SELENOI: variants seen among roughly 807,000 people sequenced by gnomAD.
The protein encoded by SELENOI is ethanolaminephosphotransferase 1.
SELENOI carries 24 observed loss-of-function variants against 50.7 expected under a neutral mutation model. That is an observed-to-expected ratio of 0.47 (90% CI 0.34 to 0.67). The LOEUF is 0.67. Ranked by LOEUF, SELENOI falls within the 30% of genes least tolerant of loss-of-function variation. SELENOI has a pLI of 0.01. For synonymous variants in SELENOI, 155 were observed against 170.2 expected, an observed-to-expected ratio of 0.91 and a Z score of 0.70; for missense variants, 352 against 461.4, an observed-to-expected ratio of 0.76 and a Z score of 2.17.
At chr2:26,351,709 G>A (rs895030541) in intron 1 of SELENOI, among the ~76,000 whole-genome samples, 1 of 152,196 alleles carries the variant, frequency 6.6e-6, no homozygotes, top group Non-Finnish European at 1.5e-5. Context: ...TGATGTAAAG[G>A]ACTTCTGGAT....
chr2:26,385,456 A>G lies in SELENOI; in HGVS notation c.912+317A>G, dbSNP rs191739573. Among the ~76,000 whole-genome samples the G allele has an allele frequency of 4.3e-4, 66 of 152,364 alleles. 2 individuals carry two copies. Among genetic ancestry groups the G allele is most frequent in the African/African-American group, 1.4e-3 (59 of 41,584 alleles). On this transcript the variant is annotated intron_variant, in intron 8 of 9. Coordinates refer to ENST00000260585, the MANE Select transcript of SELENOI (RefSeq NM_033505.4). ...TTTAGACTCTAAATATATTACCAGTATGGCTAAAATAGCTGCAGACTTAAA... is the reference window on the plus strand; with the variant it reads ...TTTAGACTCTAAATATATTACCAGTGTGGCTAAAATAGCTGCAGACTTAAA...
chr2:26,389,039 C>T lies in SELENOI; in HGVS notation c.1130C>T (p.Pro377Leu), dbSNP rs777130551. 1 of 1,590,174 alleles carries T rather than the reference C, an allele frequency of 6.3e-7. No individual in the cohort carries two copies. Among genetic ancestry groups the T allele is most frequent in the Non-Finnish European group, 8.6e-7 (1 of 1,167,038 alleles). ...KQLSSHFQIYPFSLRKPNSDU... is the reference protein window; with the variant it reads ...KQLSSHFQIYLFSLRKPNSDU... ...CTGAGCAGCCATTTTCAGATTTACC[C>T]CTTCTCATTGAGGAAACCAAACTCA... Residue 377 changes from proline to leucine, a missense_variant, in exon 10 of 10, where the codon CCC becomes CTC. Coordinates refer to ENST00000260585, the MANE Select transcript of SELENOI (RefSeq NM_033505.4).
intron 6 of SELENOI, among the ~76,000 whole-genome samples, chr2:26,376,091 CA>C (rs57146815): frequency 0.066 from 5,361 of 81,152 alleles, 163 homozygotes; most frequent in African/African-American, 0.13. Flanking sequence ...GACCCTGTCT[CA>C]AAAAAAAAAA....
intron 1 of SELENOI, among the ~76,000 whole-genome samples, chr2:26,356,524 C>T (rs1042583307): frequency 6.6e-5 from 10 of 152,150 alleles, no homozygotes; most frequent in African/African-American, 2.4e-4. Flanking sequence ...CAATTTCCTT[C>T]TTAAATTAAG....
intron 6 of SELENOI, among the ~76,000 whole-genome samples, chr2:26,376,154 A>G (rs1677563992): frequency 6.6e-6 from 1 of 152,046 alleles, no homozygotes. Flanking sequence ...AACCTTGGTA[A>G]TGGAATGGGA....
At chr2:26,355,195 C>T (rs1677039896) in intron 1 of SELENOI, among the ~76,000 whole-genome samples, 1 of 152,154 alleles carries the variant, frequency 6.6e-6, no homozygotes, top group African/African-American at 2.4e-5. Context: ...CATTGGCTAG[C>T]ATATAATATA....
intron 1 of SELENOI, among the ~76,000 whole-genome samples, chr2:26,360,805 G>T (rs1677157982): frequency 6.6e-6 from 1 of 151,960 alleles, no homozygotes; most frequent in South Asian, 2.1e-4. Flanking sequence ...GGTTCATATT[G>T]GTTCCTGGTC....
intron 1 of SELENOI, among the ~76,000 whole-genome samples, chr2:26,361,883 C>G (rs1677186437): frequency 6.6e-6 from 1 of 152,174 alleles, no homozygotes; most frequent in African/African-American, 2.4e-5. Context: ...GTCTCGAACT[C>G]ATGACCTCAA....
intron 7 of SELENOI, among the ~76,000 whole-genome samples, chr2:26,384,294 G>A (rs931086738): frequency 1.3e-5 from 2 of 152,180 alleles, no homozygotes; most frequent in Non-Finnish European, 2.9e-5. Context: ...AAGCCATACA[G>A]TTTAAAGCTC....
In SELENOI at chr2:26,391,121, G is replaced by A. The variant is rs1344479315; in HGVS notation, c.*2018G>A. Reference sequence around the variant, plus strand: ...GTTTGGGGGCCCTTTTACTTCAAAGGTGTGTTTCTGCCCTCTTTTGGTTGT... The same window carrying A: ...GTTTGGGGGCCCTTTTACTTCAAAGATGTGTTTCTGCCCTCTTTTGGTTGT... On this transcript the variant is annotated 3_prime_UTR_variant, in exon 10 of 10. Coordinates refer to ENST00000260585, the MANE Select transcript of SELENOI (RefSeq NM_033505.4). 3 of 152,288 alleles carry A rather than the reference G, an allele frequency of 2.0e-5. No individual in the cohort carries two copies. The highest frequency in any genetic ancestry group is 7.2e-5 in the African/African-American group (3 of 41,554). 9.4% of individuals were successfully genotyped at this position (152,288 alleles called of 1,614,324 possible).
intron 1 of SELENOI, among the ~76,000 whole-genome samples, chr2:26,360,905 G>A (rs1390561609): frequency 6.6e-6 from 1 of 152,170 alleles, no homozygotes; most frequent in African/African-American, 2.4e-5. Context: ...ATCTATTATG[G>A]AAAGGCTTTG....
At chr2:26,366,558 T>TA (rs1361734989) in intron 3 of SELENOI, among the ~76,000 whole-genome samples, 2 of 152,144 alleles carry the variant, frequency 1.3e-5, no homozygotes, top group African/African-American at 4.8e-5. Context: ...GATTAAATGA[T>TA]ACATTCAAGG....
chr2:26,353,844 G>A (rs544285932), intron 1 of SELENOI, among the ~76,000 whole-genome samples: 7 of 152,250 alleles, frequency 4.6e-5, no homozygotes, highest in Non-Finnish European at 1.0e-4. Context: ...TTCTCTAACT[G>A]CTGTAGTGCT....
intron 1 of SELENOI, among the ~76,000 whole-genome samples, chr2:26,352,385 G>C (rs1321362607): frequency 6.6e-6 from 1 of 152,168 alleles, no homozygotes; most frequent in Non-Finnish European, 1.5e-5. Context: ...GGGATAAAAA[G>C]GAAGGAGTGG....
rs571596250 is a variant in SELENOI at position 26,370,481 on chromosome 2, C to T, written c.311-2886C>T. Among the ~76,000 whole-genome samples, 47 of 150,250 alleles carry T rather than the reference C, an allele frequency of 3.1e-4. 1 individual carries two copies. In the South Asian group the frequency reaches 9.5e-3, roughly 30 times the overall value. On this transcript the variant is annotated intron_variant, in intron 4 of 9. Transcript: ENST00000260585. ...CTCCCGGACGGGGCGGCTGGCTGGG[C>T]GGGGGGCTGACCCCCCCACCTCCCT...
intron 3 of SELENOI, among the ~76,000 whole-genome samples, chr2:26,365,905 G>A (rs986517870): frequency 6.7e-6 from 1 of 148,232 alleles, no homozygotes; most frequent in East Asian, 2.0e-4. Context: ...AGGTTCAAGC[G>A]ATTCTCCTGC....
chr2:26,354,592 C>T (rs1361094804), intron 1 of SELENOI, among the ~76,000 whole-genome samples: 2 of 151,824 alleles, frequency 1.3e-5, no homozygotes, highest in Admixed American at 6.6e-5. Context: ...GGGGTTTCAC[C>T]GTGTTAGCTA....
At chr2:26,357,463 T>C (rs1677087345) in intron 1 of SELENOI, among the ~76,000 whole-genome samples, 1 of 152,182 alleles carries the variant, frequency 6.6e-6, no homozygotes, top group African/African-American at 2.4e-5. Context: ...ACACACTGAG[T>C]GGCTTTAAAC....
intron 6 of SELENOI, among the ~76,000 whole-genome samples, chr2:26,377,588 T>C (rs1401576490): frequency 6.6e-6 from 1 of 152,030 alleles, no homozygotes; most frequent in African/African-American, 2.4e-5. Context: ...GCTGTAATTG[T>C]GCCACTGTAC....
Sources: gnomAD v4.1 joint callset for allele counts (sites outside exome capture counted in the v4.1 genomes callset) on GRCh38, gnomAD v4.1.1 for gene constraint, MANE v1.5 for transcripts, NCBI Gene and HGNC (gene_info 2026-07-23, HGNC 2026-07-21) for gene names.